PPP1R9B: variants seen among roughly 807,000 people sequenced by gnomAD.
PPP1R9B encodes the protein neurabin-2.
PPP1R9B carries 17 observed loss-of-function variants against 75.8 expected under a neutral mutation model. The observed-to-expected ratio is 0.22, with a 90% CI of 0.15 to 0.34. PPP1R9B has a LOEUF of 0.34. Among genes scored for constraint, PPP1R9B ranks in the 10% least tolerant of loss-of-function variants. The probability of loss-of-function intolerance (pLI) is 1.00; values close to 1 mark genes in which losing one functional copy is unlikely to be tolerated. For missense variants in PPP1R9B, 875 were observed against 1,196.0 expected (o/e 0.73, Z 3.96); for synonymous variants, 509 against 535.4 (o/e 0.95, Z 0.68).
rs1354264572 is a variant in PPP1R9B at position 50,149,787 on chromosome 17, G to C, written c.727C>G (p.Leu243Val). The C allele has an allele frequency of 7.1e-7, 1 of 1,412,932 alleles. No homozygotes were observed. The highest frequency in any genetic ancestry group is 9.2e-7 in the Non-Finnish European group (1 of 1,091,234). The allele number at this position is 1,412,932 out of a possible 1,614,324, so 87.5% of individuals were successfully genotyped here. Residue 243 changes from leucine (L) to valine (V), a missense_variant, in exon 1 of 10, where the codon CTG becomes GTG. Around this residue, in one of 4 missense-constraint regions of PPP1R9B, gnomAD observed 449 missense variants for 475.0 expected, o/e 0.95. Transcript: ENST00000612501. The surrounding 1 kb of genome is among the most constrained non-coding windows in gnomAD (Gnocchi z 7.2). Reference protein sequence around the residue: ...AAGVPQVNSKLVSKRSRVFQP... With the variant: ...AAGVPQVNSKVVSKRSRVFQP... ...AACACCCGGGACCGCTTGCTGACCA[G>C]CTTCGAGTTGACCTGGGGAACCCCT...
intron 1 of PPP1R9B, among the ~76,000 whole-genome samples, chr17:50,148,181 G>A (rs1912567199): frequency 6.6e-6 from 1 of 152,218 alleles, no homozygotes. Flanking sequence ...CATCAGGGCT[G>A]TTCTGAGGAT....
At position 50,150,321 on chromosome 17, in the gene PPP1R9B, C is replaced by T. The variant is rs1912662805; in HGVS notation, c.193G>A (p.Gly65Ser). 11 of 1,449,348 alleles carry T rather than the reference C, an allele frequency of 7.6e-6. No homozygotes were observed. In the South Asian group the frequency reaches 1.5e-4, roughly 20 times the overall value. The allele number at this position is 1,449,348 out of a possible 1,614,324, so 89.8% of individuals were successfully genotyped here. ...TCGCCCGAGGGCCCCGCCGTCGTGC[C>T]CATCTGCAGGAACATACTTTTGATG... ...HRIKSMFLQM[G>S]TTAGPSGEAG... is the part of the protein sequence containing the mutation. The change falls in exon 1 of 10, where the codon GGC becomes AGC. Residue 65 changes from glycine (G) to serine (S), a missense_variant. Transcript: ENST00000612501. The surrounding 1 kb of genome is among the most constrained non-coding windows in gnomAD (Gnocchi z 8.7).
chr17:50,139,509 C>A lies in PPP1R9B; in HGVS notation c.1939G>T (p.Val647Leu), dbSNP rs1278066758. 6.2e-7 allele frequency: 1 copy of A among 1,600,824 alleles called. No individual in the cohort carries two copies. The highest frequency in any genetic ancestry group is 8.5e-7 in the Non-Finnish European group (1 of 1,172,142). The change falls in exon 6 of 10, where the codon GTG becomes TTG. Residue 647 changes from valine (V) to leucine (L), a missense_variant. Val to Leu is a conservative substitution (Grantham distance 32). Transcript: ENST00000612501. This position sits in a 1 kb window ranked among gnomAD's most constrained non-coding sequence, Gnocchi z 5.0. Reference protein sequence around the residue: ...TFPGGEMAIEVFELAENEDAL... With the variant: ...TFPGGEMAIELFELAENEDAL... ...TCCTCGTTCTCCGCTAGCTCAAACA[C>A]CTCGATGGCCATCTCACCACCCGGG...
In PPP1R9B at chr17:50,135,254, G is replaced by A; in HGVS notation, c.*77C>T. On this transcript the variant is annotated 3_prime_UTR_variant, in exon 10 of 10. Coordinates refer to ENST00000612501, the MANE Select transcript of PPP1R9B (RefSeq NM_032595.5). ...CCTGTCCCCAGGCTGGAAGGGGGAG[G>A]GGTGGGGTGTTGAGGACAGGGGAGG... 1 of 1,239,732 alleles carries A rather than the reference G, an allele frequency of 8.1e-7. No individual in the cohort carries two copies. The highest frequency in any genetic ancestry group is 1.2e-5 in the South Asian group (1 of 82,664). The allele number at this position is 1,239,732 out of a possible 1,614,324, so 76.8% of individuals were successfully genotyped here.
chr17:50,149,667 C>T lies in PPP1R9B; in HGVS notation c.847G>A (p.Val283Met). Residue 283 changes from valine to methionine, a missense_variant, in exon 1 of 10, where the codon GTG becomes ATG. Val to Met is a conservative substitution (Grantham distance 21). Transcript: ENST00000612501. This position sits in a 1 kb window ranked among gnomAD's most constrained non-coding sequence, Gnocchi z 7.2. ...TTGGGGGGCGGCCGGGCAGGGGCCA[C>T]TCGGTGCTGCGGGGGCTGCTGCCCT... ...PAGQQPPQHRVAPARPPPKPR... is the reference protein window; with the variant it reads ...PAGQQPPQHRMAPARPPPKPR... The T allele has an allele frequency of 6.7e-7, 1 of 1,501,670 alleles. No homozygotes were observed. Among genetic ancestry groups the T allele is most frequent in the Non-Finnish European group, 8.9e-7 (1 of 1,128,244 alleles). 93.0% of individuals were successfully genotyped at this position (1,501,670 alleles called of 1,614,324 possible). A position where few individuals can be genotyped will look rare whatever the true frequency, so the allele number is the denominator to read the frequency against.
intron 1 of PPP1R9B, among the ~76,000 whole-genome samples, chr17:50,148,790 C>T (rs1441703054): frequency 6.6e-6 from 1 of 152,232 alleles, no homozygotes; most frequent in Non-Finnish European, 1.5e-5. Context: ...ACTACCCAAC[C>T]CCAGCCTCTG....
chr17:50,141,649 T>A (rs1373129547), intron 3 of PPP1R9B, among the ~76,000 whole-genome samples: 4 of 115,012 alleles, frequency 3.5e-5, no homozygotes, highest in Non-Finnish European at 1.7e-5. Flanking sequence ...GGCAACAGAG[T>A]AAGACCCTGC....
Position 50,139,654 on chromosome 17 carries a change from C to A in PPP1R9B, c.1867-73G>T. 1 of 1,477,688 alleles carries A rather than the reference C, an allele frequency of 6.8e-7. No homozygotes were observed. The highest frequency in any genetic ancestry group is 9.0e-7 in the Non-Finnish European group (1 of 1,105,740). 91.5% of individuals were successfully genotyped at this position (1,477,688 alleles called of 1,614,324 possible). A position where few individuals can be genotyped will look rare whatever the true frequency, so the allele number is the denominator to read the frequency against. Reference sequence around the variant, plus strand: ...TCAGCCCTGATGACCAGGGCTGGGACCAGTTGCCCATGCCAGACAGAGAGC... The same window carrying A: ...TCAGCCCTGATGACCAGGGCTGGGAACAGTTGCCCATGCCAGACAGAGAGC... On this transcript the variant is annotated intron_variant, in intron 5 of 9. Transcript: ENST00000612501. The surrounding 1 kb of genome is among the most constrained non-coding windows in gnomAD (Gnocchi z 5.0).
At position 50,136,084 on chromosome 17, in the gene PPP1R9B, C is replaced by T; in HGVS notation, c.2187G>A (p.Glu729=). 6.2e-7 allele frequency: 1 copy of T among 1,612,410 alleles called. No individual in the cohort carries two copies. The highest frequency in any genetic ancestry group is 1.3e-5 in the African/African-American group (1 of 75,062). The change falls in exon 8 of 10, where the codon GAG becomes GAA. Residue 729 remains glutamate, a synonymous_variant. Coordinates refer to ENST00000612501, the MANE Select transcript of PPP1R9B (RefSeq NM_032595.5). Reference sequence around the variant, plus strand: ...CCACAGCCTGGCACAGGCTCTGGGCCTCACCCCAGTAGCCTTCCAGTTTCT... The same window carrying T: ...CCACAGCCTGGCACAGGCTCTGGGCTTCACCCCAGTAGCCTTCCAGTTTCT... ...RMEKLEGYWG[E]AQSLCQAVDE... is the part of the protein sequence containing the mutation.
chr17:50,145,357 G>A (rs569160757), intron 1 of PPP1R9B, 112 bp from the exon 2 acceptor site: 45 of 1,366,652 alleles, frequency 3.3e-5, no homozygotes, highest in Non-Finnish European at 4.5e-5. Context: ...CCCCATGATA[G>A]CCCTGAGATG....
Position 50,150,657 on chromosome 17 carries a change from C to T in PPP1R9B, c.-144G>A, listed in dbSNP as rs1483080803. 28 of 694,142 alleles carry T rather than the reference C, an allele frequency of 4.0e-5. No homozygotes were observed. The highest frequency in any genetic ancestry group is 5.6e-5 in the Non-Finnish European group (28 of 502,332). 43.0% of individuals were successfully genotyped at this position (694,142 alleles called of 1,614,324 possible). ...TAGGGTCCCCCCAAAACCAAGCTGC[C>T]AAAAACAGTTAATCCCGCTTTAAAA... On this transcript the variant is annotated 5_prime_UTR_variant, in exon 1 of 10. Coordinates refer to ENST00000612501, the MANE Select transcript of PPP1R9B (RefSeq NM_032595.5). This position sits in a 1 kb window ranked among gnomAD's most constrained non-coding sequence, Gnocchi z 8.7.
Position 50,135,266 on chromosome 17 carries a change from G to A in PPP1R9B, c.*65C>T. Reference sequence around the variant, plus strand: ...CTGGAAGGGGGAGGGGTGGGGTGTTGAGGACAGGGGAGGGAGGACAATGGG... The same window carrying A: ...CTGGAAGGGGGAGGGGTGGGGTGTTAAGGACAGGGGAGGGAGGACAATGGG... On this transcript the variant is annotated 3_prime_UTR_variant, in exon 10 of 10. Coordinates refer to ENST00000612501, the MANE Select transcript of PPP1R9B (RefSeq NM_032595.5). The A allele has an allele frequency of 3.5e-6, 5 of 1,414,374 alleles. No homozygotes were observed. In the South Asian group the frequency reaches 5.8e-5, roughly 16 times the overall value. 87.6% of individuals were successfully genotyped at this position (1,414,374 alleles called of 1,614,324 possible).
At chr17:50,138,577 C>A (rs973801157) in intron 7 of PPP1R9B, among the ~76,000 whole-genome samples, 2 of 152,088 alleles carry the variant, frequency 1.3e-5, no homozygotes, top group Non-Finnish European at 2.9e-5. Context: ...ATAGAGACAC[C>A]TAGAGCAGAA....
chr17:50,143,592 T>TG lies in PPP1R9B; in HGVS notation c.1625+5dup, dbSNP rs886927991. ...AGGGTCAGGCGAGACTGGGGAGGAT[T>TG]GGTACCTGCCATCCCGATGGGCCGC... On this transcript the variant is annotated splice_donor_region_variant and intron_variant, in intron 3 of 9. Transcript: ENST00000612501. 6.0e-5 allele frequency: 97 copies of TG among 1,613,768 alleles called. No homozygotes were observed. Among genetic ancestry groups the TG allele is most frequent in the Non-Finnish European group, 7.7e-5 (91 of 1,179,878 alleles).
chr17:50,147,231 C>T (rs889285591), intron 1 of PPP1R9B, among the ~76,000 whole-genome samples: 5 of 152,210 alleles, frequency 3.3e-5, no homozygotes, highest in Admixed American at 2.0e-4. Context: ...CATGATATGC[C>T]GGTCTAGCAG....
intron 3 of PPP1R9B, among the ~76,000 whole-genome samples, chr17:50,141,947 A>G (rs887488709): frequency 3.3e-5 from 5 of 152,268 alleles, no homozygotes; most frequent in African/African-American, 9.6e-5. Context: ...ACATTCTCAG[A>G]GTTCATCTCT....
At chr17:50,138,730 T>C (rs967363470) in intron 7 of PPP1R9B, among the ~76,000 whole-genome samples, 1 of 152,140 alleles carries the variant, frequency 6.6e-6, no homozygotes, top group Non-Finnish European at 1.5e-5. Context: ...GCCCAAATGA[T>C]CGTCCCACCT....
Position 50,149,048 on chromosome 17 carries a change from C to A in PPP1R9B, c.1371+95G>T, listed in dbSNP as rs1567730789. ...GGGGGCTGGGTGGCAGGGGCTGACTCAGCCTGCCAAACCCGGCTGGCTGGC... is the reference window on the plus strand; with the variant it reads ...GGGGGCTGGGTGGCAGGGGCTGACTAAGCCTGCCAAACCCGGCTGGCTGGC... On this transcript the variant is annotated intron_variant, in intron 1 of 9. Transcript: ENST00000612501. This position sits in a 1 kb window ranked among gnomAD's most constrained non-coding sequence, Gnocchi z 7.2. 3 of 951,148 alleles carry A rather than the reference C, an allele frequency of 3.2e-6. No individual in the cohort carries two copies. The highest frequency in any genetic ancestry group is 4.4e-6 in the Non-Finnish European group (3 of 683,658). 58.9% of individuals were successfully genotyped at this position (951,148 alleles called of 1,614,324 possible).
intron 7 of PPP1R9B, among the ~76,000 whole-genome samples, chr17:50,137,934 G>A (rs996676507): frequency 6.6e-6 from 1 of 152,080 alleles, no homozygotes; most frequent in Non-Finnish European, 1.5e-5. Context: ...CTCCTCTCCT[G>A]CATACCCCCA....
Sources: gnomAD v4.1 joint callset for allele counts (sites outside exome capture counted in the v4.1 genomes callset) on GRCh38, gnomAD v4.1.1 for gene constraint, gnomAD v4.1.1 regional missense constraint, Gnocchi (gnomAD v3.1) non-coding constraint, MANE v1.5 for transcripts, NCBI Gene and HGNC (gene_info 2026-07-23, HGNC 2026-07-21) for gene names.